Variants in PLEKHN1 observed in about 807,000 individuals in gnomAD.
PLEKHN1 encodes the protein pleckstrin homology domain containing N1.
A neutral mutation model predicts 72.8 loss-of-function variants in PLEKHN1; 68 were observed. That is an observed-to-expected ratio of 0.93 (90% CI 0.77 to 1.14). The LOEUF (loss-of-function observed/expected upper bound fraction) is 1.14. PLEKHN1 is among the 50% of genes most tolerant of loss of function. The pLI, the probability that PLEKHN1 is intolerant of heterozygous loss-of-function variation, is 0.00. For synonymous variants in PLEKHN1, 454 were observed against 371.6 expected, an observed-to-expected ratio of 1.22 and a Z score of -2.55; for missense variants, 1,015 against 840.5, an observed-to-expected ratio of 1.21 and a Z score of -2.57.
In PLEKHN1 at chr1:974,296, C is replaced by T. The variant is rs758270063; in HGVS notation, c.1654-20C>T. ...CCTGGGGCTGTGCCCGGCTCTCAGA[C>T]TTGCGGTTTGGGGTTCCAGGTCTCC... On this transcript the variant is annotated intron_variant, in intron 14 of 15. Coordinates refer to ENST00000379410, the MANE Select transcript of PLEKHN1 (RefSeq NM_032129.3). 1.2e-6 allele frequency: 2 copies of T among 1,612,942 alleles called. No homozygotes were observed. The highest frequency in any genetic ancestry group is 1.1e-5 in the South Asian group (1 of 91,082).
Position 973,022 on chromosome 1 carries a change from C to T in PLEKHN1, c.1152+12C>T, listed in dbSNP as rs777884244. The T allele has an allele frequency of 7.3e-5, 116 of 1,592,044 alleles. 1 individual carries two copies. The highest frequency in any genetic ancestry group is 6.9e-5 in the Admixed American group (4 of 57,666). ...CCCAGCACACACCGGTGAGCGCTTA[C>T]GGGGTGGCAGACGAAAGTGGGGCAG... On this transcript the variant is annotated intron_variant, in intron 11 of 15. Coordinates refer to ENST00000379410, the MANE Select transcript of PLEKHN1 (RefSeq NM_032129.3).
rs770778597 is a variant in PLEKHN1 at position 970,938 on chromosome 1, C to T, written c.544C>T (p.Leu182Phe). The T allele has an allele frequency of 3.7e-6, 6 of 1,610,150 alleles. No homozygotes were observed. Among genetic ancestry groups the T allele is most frequent in the Admixed American group, 3.3e-5 (2 of 59,904 alleles). The change falls in exon 6 of 16, where the codon CTT becomes TTT. Residue 182 changes from leucine (L) to phenylalanine (F), a missense_variant. Physicochemically the swap from Leu to Phe is conservative, Grantham distance 22. Coordinates refer to ENST00000379410, the MANE Select transcript of PLEKHN1 (RefSeq NM_032129.3). This position sits in a 1 kb window ranked among gnomAD's most constrained non-coding sequence, Gnocchi z 4.2. Reference protein sequence around the residue: ...CPSRAELDRWLYHLEKQTALL... With the variant: ...CPSRAELDRWFYHLEKQTALL... ...CAGCCGGGCCGAGCTGGACCGCTGGCTTTACCACCTGGAGAAGCAGACGGC... is the reference window on the plus strand; with the variant it reads ...CAGCCGGGCCGAGCTGGACCGCTGGTTTTACCACCTGGAGAAGCAGACGGC...
intron 14 of PLEKHN1, 27 bp downstream of exon 14, chr1:974,078 GC>G: frequency 1.9e-6 from 3 of 1,550,252 alleles, no homozygotes; most frequent in South Asian, 1.2e-5. Flanking sequence ...ACGCCCGTGT[GC>G]CCCGGGCTCC....
rs769516872 is a variant in PLEKHN1, at chr1:973,263, C to G, written c.1230C>G (p.Pro410=). 13 of 1,544,150 alleles carry G rather than the reference C, an allele frequency of 8.4e-6. No homozygotes were observed. The highest frequency in any genetic ancestry group is 2.0e-5 in the Admixed American group (1 of 50,908). The stretch of plus-strand genomic sequence containing the variant: ...GACGCAGTGGCAGCAGCCGGTCACC[C>G]GGGAGCAAGGCCCGGGCAGAGGGCC... ...ELRRSGSSRS[P]GSKARAEGRG... is the part of the protein sequence containing the mutation. The change falls in exon 12 of 16, where the codon CCC becomes CCG. Residue 410 remains proline (P), a synonymous_variant. Transcript: ENST00000379410.
Position 974,590 on chromosome 1 carries a change from T to TGGGTTCTCA in PLEKHN1, c.*18_*26dup. On this transcript the variant is annotated 3_prime_UTR_variant, in exon 16 of 16. Transcript: ENST00000379410. ...AGTGGATCTGATGGCCGCGGTGAGG[T>TGGGTTCTCA]GGGTTCTCAGGACCACCCTCGCCAA... 6.2e-7 allele frequency: 1 copy of TGGGTTCTCA among 1,605,094 alleles called. No individual in the cohort carries two copies.
intron 2 of PLEKHN1, among the ~76,000 whole-genome samples, chr1:969,581 C>A (rs578198707): frequency 6.6e-6 from 1 of 151,016 alleles, no homozygotes; most frequent in African/African-American, 2.4e-5. Flanking sequence ...GGTGTATTTG[C>A]GTGTGGATAT....
At chr1:971,514 C>T in intron 8 of PLEKHN1, 110 bp downstream of exon 8, 1 of 1,057,808 alleles carries the variant, frequency 9.5e-7, no homozygotes, top group Non-Finnish European at 1.4e-6. Flanking sequence ...AGACAGAGCG[C>T]AGGGCCCTGC....
In PLEKHN1 at chr1:966,492, G is replaced by A. The variant is rs2100441129; in HGVS notation, c.-40G>A. The A allele has an allele frequency of 1.3e-6, 2 of 1,557,816 alleles. No homozygotes were observed. The highest frequency in any genetic ancestry group is 2.3e-5 in the East Asian group (1 of 43,780). On this transcript the variant is annotated 5_prime_UTR_variant, in exon 1 of 16. Transcript: ENST00000379410. ...GCGGGAGGCGGGGGCAGGAGGCTGTGGACAGGGACCCAGACTTGCCGACCT... is the reference window on the plus strand; with the variant it reads ...GCGGGAGGCGGGGGCAGGAGGCTGTAGACAGGGACCCAGACTTGCCGACCT...
chr1:973,287 C>T lies in PLEKHN1; in HGVS notation c.1254C>T (p.Gly418=). 6.5e-7 allele frequency: 1 copy of T among 1,540,208 alleles called. No individual in the cohort carries two copies. The highest frequency in any genetic ancestry group is 8.8e-7 in the Non-Finnish European group (1 of 1,138,878). Residue 418 remains glycine (G), a synonymous_variant, in exon 12 of 16, where the codon GGC becomes GGT. Coordinates refer to ENST00000379410, the MANE Select transcript of PLEKHN1 (RefSeq NM_032129.3). ...RSPGSKARAE[G]RGPVTPLHLD... ...CCGGGAGCAAGGCCCGGGCAGAGGGCCGCGGCCCTGTCACCCCACTGCACC... is the reference window on the plus strand; with the variant it reads ...CCGGGAGCAAGGCCCGGGCAGAGGGTCGCGGCCCTGTCACCCCACTGCACC...
At chr1:971,544 G>A (rs1481383251) in intron 8 of PLEKHN1, 140 bp downstream of exon 8, 3 of 769,612 alleles carry the variant, frequency 3.9e-6, no homozygotes, top group Non-Finnish European at 6.5e-6. Context: ...CCGCGGTCCT[G>A]GTCAGTCTGG....
chr1:974,291 T>C, intron 14 of PLEKHN1, 25 bp from the exon 15 acceptor site: 1 of 1,612,900 alleles, frequency 6.2e-7, no homozygotes, highest in Non-Finnish European at 8.5e-7. Context: ...TGCCCGGCTC[T>C]CAGACTTGCG....
rs1228973285 is a variant in PLEKHN1 at position 972,124 on chromosome 1, A to G, written c.839A>G (p.Lys280Arg). Residue 280 changes from lysine to arginine, a missense_variant, in exon 9 of 16, where the codon AAG becomes AGG. By Grantham distance (26) the Lys-to-Arg change is conservative. Coordinates refer to ENST00000379410, the MANE Select transcript of PLEKHN1 (RefSeq NM_032129.3). Reference protein sequence around the residue: ...AVHINLEEKEKQIRSFLIEGP... With the variant: ...AVHINLEEKERQIRSFLIEGP... ...CACATCAACCTGGAGGAGAAGGAGA[A>G]GCAGATCCGCTCCTTCCTGATTGAA... 6.2e-7 allele frequency: 1 copy of G among 1,613,150 alleles called. No individual in the cohort carries two copies. The highest frequency in any genetic ancestry group is 8.5e-7 in the Non-Finnish European group (1 of 1,179,904).
intron 2 of PLEKHN1, among the ~76,000 whole-genome samples, chr1:968,524 G>A (rs1412712887): frequency 6.6e-6 from 1 of 152,202 alleles, no homozygotes; most frequent in African/African-American, 2.4e-5. Context: ...CACATCCCAG[G>A]CCCTGTCTTA....
rs1013851211 is a variant in PLEKHN1, at chr1:971,536, G to A, written c.789+132G>A. 1.3e-4 allele frequency: 113 copies of A among 866,536 alleles called. No homozygotes were observed. In the East Asian group the frequency reaches 1.9e-3, roughly 14 times the overall value. The allele number at this position is 866,536 out of a possible 1,614,324, so 53.7% of individuals were successfully genotyped here. ...GCGCAGGGCCCTGCCCACCCAGCCC[G>A]CGGTCCTGGTCAGTCTGGTCTCCGC... On this transcript the variant is annotated intron_variant, in intron 8 of 15. Coordinates refer to ENST00000379410, the MANE Select transcript of PLEKHN1 (RefSeq NM_032129.3).
At chr1:971,479 G>A (rs1643325687) in intron 8 of PLEKHN1, 75 bp downstream of exon 8, 2 of 1,352,834 alleles carry the variant, frequency 1.5e-6, no homozygotes, top group South Asian at 1.2e-5. Flanking sequence ...CCATGCAGGA[G>A]GAACCTGTAT....
In PLEKHN1 at chr1:970,613, G is replaced by C. The variant is rs1482591042; in HGVS notation, c.411+12G>C. 6.2e-7 allele frequency: 1 copy of C among 1,611,442 alleles called. No homozygotes were observed. The highest frequency in any genetic ancestry group is 8.5e-7 in the Non-Finnish European group (1 of 1,179,076). On this transcript the variant is annotated intron_variant, in intron 4 of 15. Coordinates refer to ENST00000379410, the MANE Select transcript of PLEKHN1 (RefSeq NM_032129.3). The surrounding 1 kb of genome is among the most constrained non-coding windows in gnomAD (Gnocchi z 4.2). ...GACTCACATTTCAGGTGAGGCGGTG[G>C]GCAATGGGGTGGGGCCATGGCCGCC...
In PLEKHN1 at chr1:970,771, C is replaced by T; in HGVS notation, c.484+13C>T. On this transcript the variant is annotated intron_variant, in intron 5 of 15. Transcript: ENST00000379410. The surrounding 1 kb of genome is among the most constrained non-coding windows in gnomAD (Gnocchi z 4.2). ...TTCCAGATCACAGGTGTTTGGGATG[C>T]TTCCCGGGCCCCCAGAGGCACTCCT... 3 of 1,612,680 alleles carry T rather than the reference C, an allele frequency of 1.9e-6. No homozygotes were observed. Among genetic ancestry groups the T allele is most frequent in the Non-Finnish European group, 2.5e-6 (3 of 1,179,834 alleles).
Position 970,493 on chromosome 1 carries a change from C to T in PLEKHN1, c.331-28C>T, listed in dbSNP as rs531007840. 66 of 1,612,546 alleles carry T rather than the reference C, an allele frequency of 4.1e-5. No individual in the cohort carries two copies. The highest frequency in any genetic ancestry group is 6.7e-5 in the Admixed American group (4 of 59,900). On this transcript the variant is annotated intron_variant, in intron 3 of 15. Coordinates refer to ENST00000379410, the MANE Select transcript of PLEKHN1 (RefSeq NM_032129.3). The surrounding 1 kb of genome is among the most constrained non-coding windows in gnomAD (Gnocchi z 4.2). Reference sequence around the variant, plus strand: ...CATCAGCCTGGGGCTCCCCAGACTCCGCACTGACGACCCTGCTCCCCGCGC... The same window carrying T: ...CATCAGCCTGGGGCTCCCCAGACTCTGCACTGACGACCCTGCTCCCCGCGC...
rs774665236 is a variant in PLEKHN1, at chr1:973,835, C to A, written c.1437C>A (p.Phe479Leu). The change falls in exon 14 of 16, where the codon TTC becomes TTA. Residue 479 changes from phenylalanine (F) to leucine (L), a missense_variant and splice_region_variant. By Grantham distance (22) the Phe-to-Leu change is conservative. Transcript: ENST00000379410. ...RVTDVRGLEEFLSAMQSARGP... is the reference protein window; with the variant it reads ...RVTDVRGLEELLSAMQSARGP... ...CCCAGCCCTGGCTCTCCCTGCAGTTCCTCAGTGCCATGCAGAGTGCACGTG... is the reference window on the plus strand; with the variant it reads ...CCCAGCCCTGGCTCTCCCTGCAGTTACTCAGTGCCATGCAGAGTGCACGTG... 1 of 1,609,232 alleles carries A rather than the reference C, an allele frequency of 6.2e-7. No homozygotes were observed. Among genetic ancestry groups the A allele is most frequent in the Admixed American group, 1.7e-5 (1 of 59,970 alleles).
Sources: allele counts gnomAD v4.1 joint callset (sites outside exome capture counted in the v4.1 genomes callset), GRCh38; gene constraint gnomAD v4.1.1; non-coding constraint Gnocchi (gnomAD v3.1); transcripts MANE v1.5; gene names NCBI Gene and HGNC (gene_info 2026-07-23, HGNC 2026-07-21).